The following CGGBP1 variants were observed in gnomAD, a reference collection of about 807,000 sequenced individuals.
CGGBP1 encodes the protein CGG triplet repeat-binding protein 1.
A neutral mutation model predicts 11.4 loss-of-function variants in CGGBP1; 4 were observed. The ratio of observed to expected loss-of-function variants is 0.35; its 90% CI spans 0.17 to 0.80. The LOEUF (loss-of-function observed/expected upper bound fraction) is 0.80. CGGBP1 is among the 30% of genes least tolerant of loss of function. The pLI is 0.52. For synonymous variants in CGGBP1, 76 were observed against 74.1 expected (o/e 1.03, Z -0.13); for missense variants, 135 against 202.1 (o/e 0.67, Z 2.01).
intron 2 of CGGBP1, among the ~76,000 whole-genome samples, chr3:88,137,763 TAA>T (rs1179392944): frequency 6.6e-6 from 1 of 152,072 alleles, no homozygotes; most frequent in African/African-American, 2.4e-5. Flanking sequence ...TGTGCCAAGT[TAA>T]AGTCTGCCTG....
At position 88,114,047 on chromosome 3, in the gene CGGBP1, A is replaced by G. The variant is rs577383338; in HGVS notation, c.-229+26923T>C. ...TCCATTCTTAAACTTTTACTTGGCA[A>G]ATGTTTATTGAGTCCCCACAGTGTG... On this transcript the variant is annotated intron_variant, in intron 2 of 3. Transcript: ENST00000462901. 1.7e-4 allele frequency among the ~76,000 whole-genome samples: 26 copies of G among 152,282 alleles called. No individual in the cohort carries two copies. In the South Asian group the frequency reaches 3.9e-3, roughly 23 times the overall value.
chr3:88,132,364 C>T (rs1010167805), intron 2 of CGGBP1, among the ~76,000 whole-genome samples: 5 of 152,174 alleles, frequency 3.3e-5, no homozygotes, highest in Admixed American at 1.3e-4. Flanking sequence ...CTGGGAAATG[C>T]GTTTGTACAC....
intron 2 of CGGBP1, among the ~76,000 whole-genome samples, chr3:88,077,069 A>G (rs923801798): frequency 1.2e-4 from 19 of 152,158 alleles, no homozygotes; most frequent in Admixed American, 5.9e-4. Flanking sequence ...GTATTTTTTG[A>G]GATAGAGTAA....
upstream of CGGBP1, among the ~76,000 whole-genome samples, chr3:88,059,920 C>T (rs1031316542): frequency 6.6e-6 from 1 of 152,086 alleles, no homozygotes; most frequent in Non-Finnish European, 1.5e-5. Flanking sequence ...CCGATTGCCC[C>T]CCGTGTTCTC....
intron 2 of CGGBP1, among the ~76,000 whole-genome samples, chr3:88,127,955 CAAAAT>C (rs575246385): frequency 3.1e-4 from 47 of 152,078 alleles, no homozygotes; most frequent in Non-Finnish European, 5.9e-4. Context: ...ATTTTTAAGT[CAAAAT>C]AAAACATTTG....
At chr3:88,119,622 G>T (rs1705649804) in intron 2 of CGGBP1, among the ~76,000 whole-genome samples, 1 of 150,404 alleles carries the variant, frequency 6.6e-6, no homozygotes, top group African/African-American at 2.4e-5. Flanking sequence ...GTGACCTGTT[G>T]CCTTGACTGA....
At chr3:88,087,156 G>A (rs1014040038) in intron 2 of CGGBP1, among the ~76,000 whole-genome samples, 3 of 152,194 alleles carry the variant, frequency 2.0e-5, no homozygotes, top group African/African-American at 7.2e-5. Flanking sequence ...TTGGTTCACC[G>A]CAACCTCTAC....
At chr3:88,116,927 A>T (rs1705444643) in intron 2 of CGGBP1, among the ~76,000 whole-genome samples, 1 of 152,208 alleles carries the variant, frequency 6.6e-6, no homozygotes, top group Non-Finnish European at 1.5e-5. Context: ...CTAGGTAAAG[A>T]TGACTAAAGA....
At chr3:88,075,242 CACTT>C (rs1707736886) in intron 2 of CGGBP1, among the ~76,000 whole-genome samples, 2 of 152,200 alleles carry the variant, frequency 1.3e-5, no homozygotes, top group South Asian at 2.1e-4. Context: ...AAGAGCATAT[CACTT>C]ACTTGTAGTT....
intron 2 of CGGBP1, among the ~76,000 whole-genome samples, chr3:88,069,633 A>G (rs1223387699): frequency 1.3e-5 from 2 of 152,184 alleles, no homozygotes; most frequent in Non-Finnish European, 1.5e-5. Flanking sequence ...TCACATCAGG[A>G]CTTTTCTGCT....
chr3:88,113,218 C>A lies in CGGBP1; in HGVS notation c.-229+27752G>T. 4 of 1,441,048 alleles carry A rather than the reference C, an allele frequency of 2.8e-6. No individual in the cohort carries two copies. In the South Asian group the frequency reaches 3.7e-5, roughly 13 times the overall value. The allele number at this position is 1,441,048 out of a possible 1,614,324, so 89.3% of individuals were successfully genotyped here. On this transcript the variant is annotated intron_variant, in intron 2 of 3. Transcript: ENST00000462901. ...CCAGGTAAAAAACAGTTTACTACTTCACACTTTGTCTACACTTAAAATAGA... is the reference window on the plus strand; with the variant it reads ...CCAGGTAAAAAACAGTTTACTACTTAACACTTTGTCTACACTTAAAATAGA...
At chr3:88,076,527 TTTTC>T (rs1301893098) in intron 2 of CGGBP1, among the ~76,000 whole-genome samples, 1 of 152,192 alleles carries the variant, frequency 6.6e-6, no homozygotes, top group African/African-American at 2.4e-5. Flanking sequence ...CTCCTTTTAT[TTTTC>T]TTTAATTTTT....
chr3:88,064,700 G>A (rs907001382), intron 2 of CGGBP1, among the ~76,000 whole-genome samples: 2 of 152,168 alleles, frequency 1.3e-5, no homozygotes, highest in Non-Finnish European at 2.9e-5. Flanking sequence ...CTACCCATCT[G>A]TAGATATCTC....
chr3:88,081,885 T>C (rs1355387051), intron 2 of CGGBP1, among the ~76,000 whole-genome samples: 1 of 152,204 alleles, frequency 6.6e-6, no homozygotes, highest in Non-Finnish European at 1.5e-5. Context: ...TCTCAATGGA[T>C]AGCTAGGAAA....
chr3:88,086,544 C>A lies in CGGBP1; in HGVS notation c.-228-28321G>T, dbSNP rs193063040. ...TGTTTATTTTTTTCACTGAAGTATTCAGGTTTAATTTTGAACATGTAACCA... is the reference window on the plus strand; with the variant it reads ...TGTTTATTTTTTTCACTGAAGTATTAAGGTTTAATTTTGAACATGTAACCA... On this transcript the variant is annotated intron_variant, in intron 2 of 3. Transcript: ENST00000462901. 6.5e-5 allele frequency: 50 copies of A among 767,792 alleles called. No homozygotes were observed. In the East Asian group the frequency reaches 1.4e-3, roughly 22 times the overall value. 47.6% of individuals were successfully genotyped at this position (767,792 alleles called of 1,614,324 possible).
At chr3:88,135,051 TCA>T in intron 2 of CGGBP1, 1 of 1,378,758 alleles carries the variant, frequency 7.3e-7, no homozygotes, top group Admixed American at 3.5e-5. Context: ...TCTTTTTTTC[TCA>T]TTTACAGGGA....
upstream of CGGBP1, chr3:88,059,169 G>GGAGCCGGAAGTAGAGCC: frequency 7.2e-7 from 1 of 1,395,540 alleles, no homozygotes; most frequent in South Asian, 1.5e-5. Flanking sequence ...GTGGGTGGGC[G>GGAGCCGGAAGTAGAGCC]GAGCCGGAAG....
intron 2 of CGGBP1, among the ~76,000 whole-genome samples, chr3:88,096,581 A>G (rs549595424): frequency 6.6e-6 from 1 of 152,168 alleles, no homozygotes; most frequent in Admixed American, 6.5e-5. Flanking sequence ...TTTTCTTCCC[A>G]TACTTTAAAG....
intron 2 of CGGBP1, among the ~76,000 whole-genome samples, chr3:88,080,665 T>G (rs1001178842): frequency 2.5e-4 from 38 of 151,688 alleles, no homozygotes; most frequent in Non-Finnish European, 4.6e-4. Context: ...ATCTGACTCT[T>G]AACCATAATA....
Sources: gnomAD v4.1 joint callset for allele counts (sites outside exome capture counted in the v4.1 genomes callset) on GRCh38, gnomAD v4.1.1 for gene constraint, MANE v1.5 for transcripts, NCBI Gene and HGNC (gene_info 2026-07-23, HGNC 2026-07-21) for gene names.